Variants in RTCA observed in about 807,000 individuals in gnomAD.
The protein encoded by RTCA is RNA 3'-terminal phosphate cyclase, also known as RNA terminal phosphate cyclase domain 1.
In RTCA, 37 loss-of-function variants were observed where a neutral mutation model predicts 46.1. The observed-to-expected ratio is 0.80, with a 90% CI of 0.62 to 1.06. The LOEUF (loss-of-function observed/expected upper bound fraction) is 1.06, where lower values mean the gene tolerates loss of function less well. Among genes scored for constraint, RTCA ranks in the 50% least tolerant of loss-of-function variants. The probability of loss-of-function intolerance (pLI) is 0.00; values close to 1 mark genes in which losing one functional copy is unlikely to be tolerated. For synonymous variants in RTCA, 164 were observed against 158.3 expected (o/e 1.04, Z -0.27); for missense variants, 435 against 455.5 (o/e 0.95, Z 0.41).
At chr1:100,269,100 T>G (rs1437360919) in intron 3 of RTCA, among the ~76,000 whole-genome samples, 1 of 151,532 alleles carries the variant, frequency 6.6e-6, no homozygotes, top group Non-Finnish European at 1.5e-5. Flanking sequence ...TCCCATCTAC[T>G]TGAGAAGCTG....
At position 100,285,225 on chromosome 1, in the gene RTCA, A is replaced by T; in HGVS notation, c.800-3A>T. The T allele has an allele frequency of 6.2e-7, 1 of 1,607,572 alleles. No individual in the cohort carries two copies. The highest frequency in any genetic ancestry group is 8.5e-7 in the Non-Finnish European group (1 of 1,174,418). ...TTTGTTTTAATGTTGTGCTTATCTT[A>T]AGGTGTAAATGCAGACAAAGTTGGA... On this transcript the variant is annotated splice_polypyrimidine_tract_variant and splice_region_variant and intron_variant, in intron 8 of 10. Transcript: ENST00000370128.
intron 6 of RTCA, 122 bp downstream of exon 6, chr1:100,275,087 T>C: frequency 9.5e-7 from 1 of 1,051,656 alleles, no homozygotes; most frequent in South Asian, 1.8e-5. Context: ...ATAATGTCCT[T>C]TGTGGCAATA....
intron 7 of RTCA, among the ~76,000 whole-genome samples, chr1:100,275,990 C>A (rs1284328575): frequency 1.3e-5 from 2 of 151,890 alleles, no homozygotes; most frequent in Non-Finnish European, 2.9e-5. Flanking sequence ...CGCCCACCAC[C>A]ACGCCCAGCT....
At position 100,292,109 on chromosome 1, in the gene RTCA, AG is replaced by A. The variant is rs1437040745; in HGVS notation, c.*608del. On this transcript the variant is annotated 3_prime_UTR_variant, in exon 11 of 11. Transcript: ENST00000370128. ...TAATTTTTGTATTTTTAGTAGAGACAGGGTTTCACCATATTGGTCAGGCTGG... is the reference window on the plus strand; with the variant it reads ...TAATTTTTGTATTTTTAGTAGAGACAGGTTTCACCATATTGGTCAGGCTGG... 1 of 152,038 alleles carries A rather than the reference AG, an allele frequency of 6.6e-6. No homozygotes were observed. Among genetic ancestry groups the A allele is most frequent in the Non-Finnish European group, 1.5e-5 (1 of 68,066 alleles). 9.4% of individuals were successfully genotyped at this position (152,038 alleles called of 1,614,324 possible). A position where few individuals can be genotyped will look rare whatever the true frequency, so the allele number is the denominator to read the frequency against.
chr1:100,268,214 C>T lies in RTCA; in HGVS notation c.209C>T (p.Ala70Val). 1 of 1,614,088 alleles carries T rather than the reference C, an allele frequency of 6.2e-7. No homozygotes were observed. The highest frequency in any genetic ancestry group is 1.7e-5 in the Admixed American group (1 of 60,016). The change falls in exon 3 of 11, where the codon GCA becomes GTA. Residue 70 changes from alanine (A) to valine (V), a missense_variant. Ala to Val is a moderately conservative substitution (Grantham distance 64). Coordinates refer to ENST00000370128, the MANE Select transcript of RTCA (RefSeq NM_003729.4). ...RDLCDGQLEG[A>V]EIGSTEITFT... ...TTGTGTGATGGGCAACTGGAGGGGG[C>T]AGAAATTGGCTCAACAGAAATAACC...
intron 9 of RTCA, among the ~76,000 whole-genome samples, chr1:100,286,116 A>G (rs1185597645): frequency 6.6e-6 from 1 of 152,046 alleles, no homozygotes; most frequent in Admixed American, 6.6e-5. Flanking sequence ...AATATCCCCT[A>G]TGCCTGTCAA....
At position 100,285,198 on chromosome 1, in the gene RTCA, GTTTTGTTTTA is replaced by G; in HGVS notation, c.800-29_800-20del. ...AATTAGTTTTGTTTTGTTTTGTTTT[GTTTTGTTTTA>G]ATGTTGTGCTTATCTTAAGGTGTAA... On this transcript the variant is annotated intron_variant, in intron 8 of 10. Coordinates refer to ENST00000370128, the MANE Select transcript of RTCA (RefSeq NM_003729.4). The G allele has an allele frequency of 1.9e-6, 3 of 1,543,830 alleles. No individual in the cohort carries two copies. The highest frequency in any genetic ancestry group is 2.7e-6 in the Non-Finnish European group (3 of 1,117,688).
intron 9 of RTCA, among the ~76,000 whole-genome samples, chr1:100,286,060 A>G (rs1268665140): frequency 1.3e-5 from 2 of 152,014 alleles, no homozygotes; most frequent in Non-Finnish European, 2.9e-5. Flanking sequence ...ACAACTCCCA[A>G]ATTTATATCC....
chr1:100,285,285 G>T lies in RTCA; in HGVS notation c.857G>T (p.Arg286Ile), dbSNP rs768229388. ...GCCGAAATGCTATTAGCAAATCTTA[G>T]ACATGGTGGTACTGTGGATGAGTAT... is the stretch of plus-strand genomic sequence containing the variant. The part of the protein sequence containing the change: ...EAAEMLLANL[R>I]HGGTVDEYLQ... Residue 286 changes from arginine (R) to isoleucine (I), a missense_variant, in exon 9 of 11, where the codon AGA (arginine) becomes ATA (isoleucine). Transcript: ENST00000370128. The T allele has an allele frequency of 6.2e-7, 1 of 1,613,774 alleles. No homozygotes were observed. Among genetic ancestry groups the T allele is most frequent in the South Asian group, 1.1e-5 (1 of 91,062 alleles).
At chr1:100,285,521 T>C (rs1216633471) in intron 9 of RTCA, among the ~76,000 whole-genome samples, 199 bp downstream of exon 9, 24 of 152,250 alleles carry the variant, frequency 1.6e-4, no homozygotes, top group Admixed American at 1.6e-3. Context: ...TTTTGCGCAA[T>C]TGACCACTCC....
chr1:100,273,315 G>A, intron 4 of RTCA, 79 bp from the exon 5 acceptor site: 2 of 892,550 alleles, frequency 2.2e-6, no homozygotes, highest in South Asian at 1.7e-5. Context: ...AGCCAGCAAA[G>A]CGCTTTTGTT....
chr1:100,267,769 C>T (rs574807064), intron 2 of RTCA, among the ~76,000 whole-genome samples: 1 of 152,066 alleles, frequency 6.6e-6, no homozygotes, highest in South Asian at 2.1e-4. Context: ...CGGAGGGTTA[C>T]AGTCTCAGCA....
intron 8 of RTCA, among the ~76,000 whole-genome samples, chr1:100,277,818 G>A (rs1405004523): frequency 6.6e-6 from 1 of 150,934 alleles, no homozygotes; most frequent in East Asian, 1.9e-4. Context: ...GGGGCACATA[G>A]CATTTGTTTC....
rs750890410 is a variant in RTCA, at chr1:100,273,439, G to A, written c.460G>A (p.Asp154Asn). ...VEKFGFIFNC[D>N]IKTRGYYPKG... is the part of the protein sequence containing the mutation. ...AAAATTTGGTTTCATATTTAATTGT[G>A]ACATTAAAACAAGGTAAGTTGCTTG... The change falls in exon 5 of 11, where the codon GAC (aspartate) becomes AAC (asparagine). Residue 154 changes from aspartate to asparagine, a missense_variant. Transcript: ENST00000370128. 3 of 1,579,520 alleles carry A rather than the reference G, an allele frequency of 1.9e-6. No individual in the cohort carries two copies. In the South Asian group the frequency reaches 3.5e-5, roughly 19 times the overall value.
chr1:100,266,456 A>G (rs1460954084), intron 1 of RTCA, 36 bp downstream of exon 1: 2 of 1,607,820 alleles, frequency 1.2e-6, no homozygotes, highest in Non-Finnish European at 1.7e-6. Context: ...GCTGCAGCCT[A>G]ACTAAGGAGG....
chr1:100,283,319 C>T (rs1460835029), intron 8 of RTCA, among the ~76,000 whole-genome samples: 1 of 151,938 alleles, frequency 6.6e-6, no homozygotes, highest in African/African-American at 2.4e-5. Flanking sequence ...TACAATCGCA[C>T]ACAACCATGC....
intron 2 of RTCA, chr1:100,267,352 C>G: frequency 1.2e-6 from 1 of 825,928 alleles, no homozygotes; most frequent in Non-Finnish European, 1.7e-6. Flanking sequence ...ATGTTAATTG[C>G]CTTTGTCATA....
intron 5 of RTCA, 52 bp downstream of exon 5, chr1:100,273,504 G>A: frequency 2.5e-6 from 3 of 1,189,802 alleles, no homozygotes; most frequent in Non-Finnish European, 3.6e-6. Context: ...GCTAGAAGTA[G>A]TGGAAAAGTT....
intron 4 of RTCA, among the ~76,000 whole-genome samples, chr1:100,272,975 T>C (rs1298712544): frequency 4.6e-5 from 7 of 152,228 alleles, no homozygotes; most frequent in Non-Finnish European, 8.8e-5. Flanking sequence ...AAAATGCTTA[T>C]GTTTATAATG....
Sources: gnomAD v4.1 joint callset for allele counts (sites outside exome capture counted in the v4.1 genomes callset) on GRCh38, gnomAD v4.1.1 for gene constraint, MANE v1.5 for transcripts, NCBI Gene and HGNC (gene_info 2026-07-23, HGNC 2026-07-21) for gene names.